Variants in ANKRD18A observed in about 807,000 individuals in gnomAD.
ANKRD18A encodes ankyrin repeat domain-containing protein 18A.
Under a neutral mutation model 110.6 loss-of-function variants are expected in ANKRD18A, and 72 were observed. The ratio of observed to expected loss-of-function variants is 0.65; its 90% CI spans 0.54 to 0.79. The LOEUF is 0.79. ANKRD18A is among the 30% of genes least tolerant of loss of function. The pLI is 0.00. For synonymous variants in ANKRD18A, 305 were observed against 410.3 expected, an observed-to-expected ratio of 0.74 and a Z score of 3.10; for missense variants, 934 against 1,163.3, an observed-to-expected ratio of 0.80 and a Z score of 2.87.
downstream of ANKRD18A, chr9:38,568,768 C>A: frequency 1.0e-6 from 1 of 985,380 alleles, no homozygotes; most frequent in African/African-American, 1.7e-5. Flanking sequence ...AAGGCTGAGT[C>A]CCCTGGGTGG....
chr9:38,612,521 C>CTTTTTTTTTTTTTTTTTTTTTTT (rs767816627), intron 3 of ANKRD18A, among the ~76,000 whole-genome samples: 1 of 124,306 alleles, frequency 8.0e-6, no homozygotes, highest in Non-Finnish European at 1.6e-5. Context: ...TTTTCTTTTT[C>CTTTTTTTTTTTTTTTTTTTTTTT]TTTTTTTTTT....
At chr9:38,599,381 A>T (rs1464259519) in intron 8 of ANKRD18A, among the ~76,000 whole-genome samples, 4 of 152,204 alleles carry the variant, frequency 2.6e-5, no homozygotes, top group Non-Finnish European at 5.9e-5. Context: ...TTAGAGTTAC[A>T]GTGTAAGAGC....
intron 1 of ANKRD18A, among the ~76,000 whole-genome samples, chr9:38,617,508 C>T (rs770624351): frequency 2.0e-5 from 3 of 152,106 alleles, no homozygotes; most frequent in Non-Finnish European, 4.4e-5. Context: ...TTGAGATGAA[C>T]AGGTATGGCT....
intron 10 of ANKRD18A, among the ~76,000 whole-genome samples, chr9:38,590,463 G>T (rs1219706995): frequency 1.3e-5 from 2 of 151,948 alleles, no homozygotes; most frequent in African/African-American, 4.8e-5. Context: ...TGTTGGCCAG[G>T]CTCTTCTTGT....
At chr9:38,585,388 T>C (rs2118709990) in intron 12 of ANKRD18A, among the ~76,000 whole-genome samples, 1 of 152,304 alleles carries the variant, frequency 6.6e-6, no homozygotes, top group Middle Eastern at 3.4e-3. Context: ...CTTTTTGATG[T>C]CCCACTTTTA....
chr9:38,571,627 T>C lies in ANKRD18A; in HGVS notation c.*418A>G, dbSNP rs1823646157. 5 of 1,013,244 alleles carry C rather than the reference T, an allele frequency of 4.9e-6. No homozygotes were observed. The highest frequency in any genetic ancestry group is 5.9e-6 in the Non-Finnish European group (5 of 849,268). 62.8% of individuals were successfully genotyped at this position (1,013,244 alleles called of 1,614,324 possible). ...TACTCTTTAAGTCTCCTACTACATA[T>C]GGTAATAAAAACTGTAAAATGCAAA... On this transcript the variant is annotated 3_prime_UTR_variant, in exon 16 of 16. Coordinates refer to ENST00000399703, the MANE Select transcript of ANKRD18A (RefSeq NM_147195.4).
At position 38,586,168 on chromosome 9, in the gene ANKRD18A, A is replaced by T; in HGVS notation, c.2247+15T>A. 1.9e-6 allele frequency: 3 copies of T among 1,586,838 alleles called. No individual in the cohort carries two copies. Among genetic ancestry groups the T allele is most frequent in the Non-Finnish European group, 1.7e-6 (2 of 1,167,238 alleles). On this transcript the variant is annotated intron_variant, in intron 12 of 15. Transcript: ENST00000399703. ...ATCTAGACCTTAAGATAAAATAATAATTTTTTAAAATTACCTTCTGTTTTA... is the reference window on the plus strand; with the variant it reads ...ATCTAGACCTTAAGATAAAATAATATTTTTTTAAAATTACCTTCTGTTTTA...
intron 12 of ANKRD18A, among the ~76,000 whole-genome samples, chr9:38,578,861 C>T (rs931160812): frequency 5.3e-5 from 8 of 152,058 alleles, no homozygotes; most frequent in East Asian, 3.8e-4. Context: ...TCTTCCTGGA[C>T]GATAGACAAA....
At chr9:38,601,946 G>A (rs1825131547) in intron 7 of ANKRD18A, among the ~76,000 whole-genome samples, 1 of 148,948 alleles carries the variant, frequency 6.7e-6, no homozygotes, top group Admixed American at 6.8e-5. Flanking sequence ...TCATGCCATT[G>A]CACTCCACCC....
rs1316563424 is a variant in ANKRD18A at position 38,620,166 on chromosome 9, C to T, written c.120G>A (p.Arg40=). 11 of 1,568,384 alleles carry T rather than the reference C, an allele frequency of 7.0e-6. No homozygotes were observed. The highest frequency in any genetic ancestry group is 2.3e-5 in the South Asian group (2 of 85,294). Residue 40 remains arginine (R), a synonymous_variant, in exon 1 of 16, where the codon AGG becomes AGA. Transcript: ENST00000399703. ...CCGCGGCGTCGCCCTTGATGGCAGC[C>T]CTGTGGATCTTCCGCAGTTCCCAGT... ...IRDWELRKIH[R]AAIKGDAAEV...
intron 12 of ANKRD18A, among the ~76,000 whole-genome samples, chr9:38,578,829 A>G (rs912459080): frequency 1.1e-4 from 16 of 152,348 alleles, no homozygotes; most frequent in Non-Finnish European, 1.9e-4. Flanking sequence ...GCTGCCGTGA[A>G]TTATGACCAC....
intron 15 of ANKRD18A, among the ~76,000 whole-genome samples, chr9:38,574,110 A>G (rs543429415): frequency 1.3e-4 from 20 of 152,254 alleles, no homozygotes; most frequent in South Asian, 4.2e-4. Context: ...GTTTATGTCA[A>G]TGGGCACCTG....
Position 38,616,013 on chromosome 9 carries a change from G to C in ANKRD18A, c.238C>G (p.Arg80Gly). ...TVLHLACAHG[R>G]VQVVTLLLHR... is the part of the protein sequence containing the mutation. ...AGCAAGAGAGTGACCACTTGCACAC[G>C]GCCATGGGCACAGGCCAAATGTAGA... Residue 80 changes from arginine to glycine, a missense_variant, in exon 2 of 16, where the codon CGT (arginine) becomes GGT (glycine). Coordinates refer to ENST00000399703, the MANE Select transcript of ANKRD18A (RefSeq NM_147195.4). 1.3e-6 allele frequency: 2 copies of C among 1,593,186 alleles called. No homozygotes were observed. Among genetic ancestry groups the C allele is most frequent in the Non-Finnish European group, 1.7e-6 (2 of 1,169,142 alleles).
At chr9:38,601,459 T>G (rs574824593) in intron 7 of ANKRD18A, among the ~76,000 whole-genome samples, 1 of 152,084 alleles carries the variant, frequency 6.6e-6, no homozygotes, top group African/African-American at 2.4e-5. Flanking sequence ...CCACCCAATA[T>G]AAAAAAACAA....
At chr9:38,599,467 A>T (rs1439095895) in intron 8 of ANKRD18A, among the ~76,000 whole-genome samples, 4 of 145,688 alleles carry the variant, frequency 2.7e-5, no homozygotes, top group Admixed American at 6.9e-5. Flanking sequence ...TTTGTAATGA[A>T]TTTTTTTTTT....
intron 10 of ANKRD18A, among the ~76,000 whole-genome samples, chr9:38,592,360 GA>G (rs1410938137): frequency 6.6e-6 from 1 of 152,170 alleles, no homozygotes; most frequent in Non-Finnish European, 1.5e-5. Flanking sequence ...CATTAAAAAT[GA>G]AAAGCCATGT....
At position 38,596,204 on chromosome 9, in the gene ANKRD18A, A is replaced by G. The variant is rs759359408; in HGVS notation, c.1136T>C (p.Met379Thr). The part of the protein sequence containing the change: ...FEKSVRLNEK[M>T]ITKTVARYSQ... ...ATACCGGGCCACTGTTTTTGTTATCATTTTTTCATTGAGTCTTACACTCTT... is the reference window on the plus strand; with the variant it reads ...ATACCGGGCCACTGTTTTTGTTATCGTTTTTTCATTGAGTCTTACACTCTT... The change falls in exon 9 of 16, where the codon ATG (methionine) becomes ACG (threonine). Residue 379 changes from methionine (M) to threonine (T), a missense_variant. Physicochemically the swap from Met to Thr is moderately conservative, Grantham distance 81. Around this residue, in one of 4 missense-constraint regions of ANKRD18A, gnomAD observed 630 missense variants for 797.5 expected, o/e 0.79. Coordinates refer to ENST00000399703, the MANE Select transcript of ANKRD18A (RefSeq NM_147195.4). The G allele has an allele frequency of 6.5e-7, 1 of 1,535,706 alleles. No homozygotes were observed. The highest frequency in any genetic ancestry group is 1.2e-5 in the South Asian group (1 of 80,440).
At chr9:38,611,423 G>C in intron 3 of ANKRD18A, 102 bp from the exon 4 acceptor site, 2 of 1,491,686 alleles carry the variant, frequency 1.3e-6, no homozygotes, top group Non-Finnish European at 1.8e-6. Context: ...ATGCAATATA[G>C]AGAGAAAGTA....
intron 4 of ANKRD18A, 77 bp downstream of exon 4, chr9:38,611,138 G>C (rs1225896743): frequency 1.4e-5 from 21 of 1,464,130 alleles, no homozygotes; most frequent in Non-Finnish European, 1.8e-5. Context: ...TAACATTTCT[G>C]ACTTGAGTGA....
Sources: allele counts gnomAD v4.1 joint callset (sites outside exome capture counted in the v4.1 genomes callset), GRCh38; gene constraint gnomAD v4.1.1; regional missense constraint gnomAD v4.1.1; transcripts MANE v1.5; gene names NCBI Gene and HGNC (gene_info 2026-07-23, HGNC 2026-07-21).